Variants in CNTNAP5 observed in about 807,000 individuals in gnomAD.
CNTNAP5 encodes the protein contactin associated protein family member 5.
In CNTNAP5, 72 loss-of-function variants were observed where a neutral mutation model predicts 150.2. The ratio of observed to expected loss-of-function variants is 0.48; its 90% CI spans 0.40 to 0.58. CNTNAP5 has a LOEUF of 0.58. Ranked by LOEUF, CNTNAP5 falls within the 20% of genes least tolerant of loss-of-function variation. The pLI is 0.00. For missense variants in CNTNAP5, 1,636 were observed against 1,626.2 expected (o/e 1.01, Z -0.10); for synonymous variants, 672 against 619.8 (o/e 1.08, Z -1.25).
Position 124,713,314 on chromosome 2 carries a change from CTTTCCTT to C in CNTNAP5, c.2078-33913_2078-33907del, listed in dbSNP as rs1558746911. The stretch of plus-strand genomic sequence containing the variant: ...CTTTCTTTCTTTCTTCTTTCTCTTT[CTTTCCTT>C]TCTTTCTTTCTTTCTTTCTTTCTTT... On this transcript the variant is annotated intron_variant, in intron 13 of 23. Transcript: ENST00000682447. 1.9e-3 allele frequency among the ~76,000 whole-genome samples: 155 copies of C among 79,946 alleles called. 5 individuals are homozygous for C. Among genetic ancestry groups the C allele is most frequent in the Non-Finnish European group, 2.8e-3 (104 of 37,180 alleles). The allele number at this position is 79,946 out of a possible 152,430, so 52.4% of individuals were successfully genotyped here.
chr2:124,657,695 G>A (rs931611429), intron 13 of CNTNAP5, among the ~76,000 whole-genome samples: 14 of 152,282 alleles, frequency 9.2e-5, no homozygotes, highest in Non-Finnish European at 5.9e-5. Context: ...GCCAGCCACA[G>A]GCCTCTGCCA....
At chr2:124,735,789 T>A (rs1336810044) in intron 13 of CNTNAP5, among the ~76,000 whole-genome samples, 1 of 152,212 alleles carries the variant, frequency 6.6e-6, no homozygotes, top group Non-Finnish European at 1.5e-5. Context: ...CCATTTTTTA[T>A]CTGTAAGATG....
intron 11 of CNTNAP5, among the ~76,000 whole-genome samples, chr2:124,572,539 A>T (rs1338326057): frequency 1.3e-5 from 2 of 152,192 alleles, no homozygotes; most frequent in African/African-American, 2.4e-5. Context: ...GGGGAGTCAG[A>T]TAGGTGTCAG....
chr2:124,299,950 C>T (rs927694764), intron 3 of CNTNAP5, among the ~76,000 whole-genome samples: 36 of 152,154 alleles, frequency 2.4e-4, no homozygotes, highest in Non-Finnish European at 3.2e-4. Flanking sequence ...CTCTTGCTTG[C>T]GTCTACTTGC....
Position 124,585,044 on chromosome 2 carries a change from C to G in CNTNAP5, c.1756+21721C>G, listed in dbSNP as rs544379176. On this transcript the variant is annotated intron_variant, in intron 11 of 23. Coordinates refer to ENST00000682447, the MANE Select transcript of CNTNAP5 (RefSeq NM_001367498.1). ...TCTTTCCCCAGAAGGCTTCAGGAACCGTGCTTAAGTTTAGGGAGCAAGCAT... is the reference window on the plus strand; with the variant it reads ...TCTTTCCCCAGAAGGCTTCAGGAACGGTGCTTAAGTTTAGGGAGCAAGCAT... Among the ~76,000 whole-genome samples the G allele has an allele frequency of 3.3e-5, 5 of 152,248 alleles. No homozygotes were observed. In the East Asian group the frequency reaches 7.7e-4, roughly 24 times the overall value.
intron 1 of CNTNAP5, among the ~76,000 whole-genome samples, chr2:124,150,558 G>A (rs950625551): frequency 1.3e-5 from 2 of 152,178 alleles, no homozygotes; most frequent in African/African-American, 4.8e-5. Context: ...AGTCCATGAT[G>A]AGGGTACCAG....
At chr2:124,227,171 C>G (rs1457820121) in intron 2 of CNTNAP5, among the ~76,000 whole-genome samples, 2 of 152,120 alleles carry the variant, frequency 1.3e-5, no homozygotes, top group East Asian at 3.8e-4. Flanking sequence ...GGGCATTTCT[C>G]CACTCTGCCT....
intron 19 of CNTNAP5, among the ~76,000 whole-genome samples, chr2:124,819,520 TG>T (rs1682440160): frequency 6.6e-6 from 1 of 152,170 alleles, no homozygotes; most frequent in Admixed American, 6.5e-5. Flanking sequence ...CTGGTGATGC[TG>T]TTAATGGAGC....
chr2:124,309,079 G>A (rs1282491602), intron 3 of CNTNAP5, among the ~76,000 whole-genome samples: 1 of 152,052 alleles, frequency 6.6e-6, no homozygotes, highest in Non-Finnish European at 1.5e-5. Context: ...CTATAATAAT[G>A]TTTAACTTCT....
At chr2:124,571,382 C>T (rs1212189113) in intron 11 of CNTNAP5, among the ~76,000 whole-genome samples, 3 of 151,838 alleles carry the variant, frequency 2.0e-5, no homozygotes, top group Non-Finnish European at 4.4e-5. Context: ...GAGATACAAT[C>T]AAGAAGGAAT....
At chr2:124,387,323 C>T (rs971896400) in intron 3 of CNTNAP5, among the ~76,000 whole-genome samples, 6 of 152,178 alleles carry the variant, frequency 3.9e-5, no homozygotes, top group Non-Finnish European at 7.3e-5. Flanking sequence ...ATTTCTATTT[C>T]TGTTTTTTGT....
intron 8 of CNTNAP5, among the ~76,000 whole-genome samples, chr2:124,513,274 A>G (rs868591272): frequency 6.6e-6 from 1 of 152,150 alleles, no homozygotes; most frequent in Non-Finnish European, 1.5e-5. Flanking sequence ...GTCTGTGTTC[A>G]AATAGCTTCT....
intron 16 of CNTNAP5, 54 bp downstream of exon 16, chr2:124,764,201 TCTTGTTTTTGCCACCAGTCACTAGTGGG>T: frequency 1.3e-6 from 2 of 1,482,028 alleles, no homozygotes; most frequent in Non-Finnish European, 1.9e-6. Flanking sequence ...CAAGTTTTAG[TCTTGTTTTTGCCACCAGTCACTAGTGGG>T]CATTTGTACC....
chr2:124,451,017 G>A (rs1294776149), intron 6 of CNTNAP5, among the ~76,000 whole-genome samples: 2 of 95,530 alleles, frequency 2.1e-5, no homozygotes, highest in South Asian at 7.9e-4. Context: ...AGCAGAATAG[G>A]ACCATGTCTC....
Position 124,859,002 on chromosome 2 carries a change from G to A in CNTNAP5, c.3218-6304G>A, listed in dbSNP as rs532153927. ...CCATTCAGGACATAGGCATGGGCAA[G>A]GGCTTCATGTCTAAAACACCAAAAG... On this transcript the variant is annotated intron_variant, in intron 19 of 23. Coordinates refer to ENST00000682447, the MANE Select transcript of CNTNAP5 (RefSeq NM_001367498.1). Among the ~76,000 whole-genome samples the A allele has an allele frequency of 2.8e-3, 429 of 152,214 alleles. 9 individuals carry two copies. Among genetic ancestry groups the A allele is most frequent in the African/African-American group, 9.5e-3 (395 of 41,534 alleles).
At chr2:124,612,174 A>G (rs1372795248) in intron 12 of CNTNAP5, among the ~76,000 whole-genome samples, 2 of 152,220 alleles carry the variant, frequency 1.3e-5, no homozygotes, top group East Asian at 3.9e-4. Flanking sequence ...TATGAAGGAA[A>G]TATTAAAGCC....
Position 124,357,921 on chromosome 2 carries a change from G to T in CNTNAP5, c.382-59522G>T, listed in dbSNP as rs866303601. ...GCAGTATGGCAATTTTCATGATATT[G>T]ATTCTTCCTACCCATGAGCATGGAA... On this transcript the variant is annotated intron_variant, in intron 3 of 23. Transcript: ENST00000682447. Among the ~76,000 whole-genome samples, 571 of 151,082 alleles carry T rather than the reference G, an allele frequency of 3.8e-3. 4 individuals are homozygous for T. The highest frequency in any genetic ancestry group is 0.027 in the Middle Eastern group (8 of 292).
Position 124,313,903 on chromosome 2 carries a change from G to A in CNTNAP5, c.381+71510G>A, listed in dbSNP as rs182041840. Among the ~76,000 whole-genome samples, 4 of 152,314 alleles carry A rather than the reference G, an allele frequency of 2.6e-5. No homozygotes were observed. In the East Asian group the frequency reaches 7.7e-4, roughly 29 times the overall value. On this transcript the variant is annotated intron_variant, in intron 3 of 23. Coordinates refer to ENST00000682447, the MANE Select transcript of CNTNAP5 (RefSeq NM_001367498.1). ...GGACCCCAAAACTGTACTTGCAGAT[G>A]AACTTACTACTTTTCTTCCTAATGG... is the stretch of plus-strand genomic sequence containing the variant.
At chr2:124,098,032 AAAAT>A (rs911836417) in intron 1 of CNTNAP5, among the ~76,000 whole-genome samples, 2 of 152,174 alleles carry the variant, frequency 1.3e-5, no homozygotes, top group African/African-American at 4.8e-5. Context: ...CGTCTCAAAA[AAAAT>A]AAATAAATAG....
Sources: allele counts gnomAD v4.1 joint callset (sites outside exome capture counted in the v4.1 genomes callset), GRCh38; gene constraint gnomAD v4.1.1; transcripts MANE v1.5; gene names NCBI Gene and HGNC (gene_info 2026-07-23, HGNC 2026-07-21).